Variants in PLAG1 observed in about 807,000 individuals in gnomAD.
PLAG1 encodes zinc finger protein PLAG1.
Under a neutral mutation model 35.5 loss-of-function variants are expected in PLAG1, and 7 were observed. That is an observed-to-expected ratio of 0.20 (90% confidence interval 0.11 to 0.37). The LOEUF is 0.37. PLAG1 is among the 10% of genes least tolerant of loss of function. The pLI, the probability that PLAG1 is intolerant of heterozygous loss-of-function variation, is 1.00. For synonymous variants in PLAG1, 229 were observed against 225.4 expected (o/e 1.02, Z -0.14); for missense variants, 454 against 602.8 (o/e 0.75, Z 2.58).
chr8:56,180,423 T>C (rs1351332623), intron 1 of PLAG1, among the ~76,000 whole-genome samples: 1 of 152,244 alleles, frequency 6.6e-6, no homozygotes, highest in African/African-American at 2.4e-5. Flanking sequence ...AGGTTAGTTG[T>C]GGCTGCAGAA....
At chr8:56,184,965 A>G (rs1359437007) in intron 1 of PLAG1, among the ~76,000 whole-genome samples, 1 of 151,938 alleles carries the variant, frequency 6.6e-6, no homozygotes, top group Non-Finnish European at 1.5e-5. Context: ...AAAAACAAAA[A>G]CCCCAAAACA....
intron 2 of PLAG1, among the ~76,000 whole-genome samples, chr8:56,172,975 T>C (rs147764138): frequency 6.6e-6 from 1 of 152,316 alleles, no homozygotes; most frequent in South Asian, 2.1e-4. Context: ...TCTGTCTGAG[T>C]GGAAAACGAT....
chr8:56,170,661 T>G (rs946472407), intron 3 of PLAG1, among the ~76,000 whole-genome samples: 1 of 152,206 alleles, frequency 6.6e-6, no homozygotes, highest in Admixed American at 6.5e-5. Flanking sequence ...CATTGTGTTA[T>G]AAAATCCAAC....
intron 1 of PLAG1, among the ~76,000 whole-genome samples, chr8:56,210,774 G>A (rs1812869212): frequency 6.6e-6 from 1 of 150,394 alleles, no homozygotes; most frequent in Admixed American, 6.6e-5. Flanking sequence ...CCAGAGAGGA[G>A]GAGGAGGAGG....
intron 1 of PLAG1, among the ~76,000 whole-genome samples, chr8:56,181,891 G>C (rs554812386): frequency 9.2e-5 from 14 of 152,326 alleles, no homozygotes; most frequent in Non-Finnish European, 2.1e-4. Flanking sequence ...GATATTTGGT[G>C]ATTTTTGCCT....
At chr8:56,169,386 T>TA (rs1270014453) in intron 3 of PLAG1, among the ~76,000 whole-genome samples, 1 of 152,132 alleles carries the variant, frequency 6.6e-6, no homozygotes. Context: ...CAGCAAGGAG[T>TA]ATATCTTTTT....
chr8:56,166,975 A>T lies in PLAG1; in HGVS notation c.771T>A (p.Asn257Lys). 2 of 1,614,152 alleles carry T rather than the reference A, an allele frequency of 1.2e-6. No individual in the cohort carries two copies. Among genetic ancestry groups the T allele is most frequent in the Non-Finnish European group, 1.7e-6 (2 of 1,180,008 alleles). Residue 257 changes from asparagine to lysine, a missense_variant, in exon 5 of 5, where the codon AAT becomes AAA. Physicochemically the swap from Asn to Lys is moderately conservative, Grantham distance 94. This residue lies in a region of PLAG1 where 271 missense variants were observed against 315.6 expected (regional missense o/e 0.86). Transcript: ENST00000316981. ...GCTCGTCTTTTATAGGCACAGACAC[A>T]TTGCAGGTAAATGGGTCAAGGAAAT... ...PVDFLDPFTC[N>K]VSVPIKDELL...
intron 1 of PLAG1, among the ~76,000 whole-genome samples, chr8:56,189,555 T>C (rs1812122889): frequency 6.6e-6 from 1 of 152,176 alleles, no homozygotes; most frequent in African/African-American, 2.4e-5. Flanking sequence ...AGTTCTACCA[T>C]CAAGGAGCTT....
chr8:56,171,980 C>A (rs1004664660), intron 2 of PLAG1, among the ~76,000 whole-genome samples: 1 of 152,006 alleles, frequency 6.6e-6, no homozygotes, highest in African/African-American at 2.4e-5. Flanking sequence ...AAAAGAATAA[C>A]GGTCAAAAGG....
In PLAG1 at chr8:56,167,715, A is replaced by C. The variant is rs1370029707; in HGVS notation, c.243-212T>G. ...GCCACTTTAGTTTTTGCTGGTTTCC[A>C]GCTATCATTACAAAAGCAAATGAGC... On this transcript the variant is annotated intron_variant, in intron 4 of 4. Coordinates refer to ENST00000316981, the MANE Select transcript of PLAG1 (RefSeq NM_002655.3). This position sits in a 1 kb window ranked among gnomAD's most constrained non-coding sequence, Gnocchi z 5.9. Among the ~76,000 whole-genome samples, 1 of 152,256 alleles carries C rather than the reference A, an allele frequency of 6.6e-6. No homozygotes were observed. The highest frequency in any genetic ancestry group is 2.4e-5 in the African/African-American group (1 of 41,468).
chr8:56,200,011 C>T (rs148505760), intron 1 of PLAG1, among the ~76,000 whole-genome samples: 165 of 152,262 alleles, frequency 1.1e-3, no homozygotes, highest in African/African-American at 3.5e-3. Context: ...GTGTGGCCTT[C>T]GGGACCTGAT....
Position 56,166,226 on chromosome 8 carries a change from A to C in PLAG1, c.*17T>G. ...AGCTACACATACATTTCTGTAATGA[A>C]TCCATGTCCCAGAATCCTACTGAAA... On this transcript the variant is annotated 3_prime_UTR_variant, in exon 5 of 5. Coordinates refer to ENST00000316981, the MANE Select transcript of PLAG1 (RefSeq NM_002655.3). 1 of 1,538,470 alleles carries C rather than the reference A, an allele frequency of 6.5e-7. No homozygotes were observed. The highest frequency in any genetic ancestry group is 8.8e-7 in the Non-Finnish European group (1 of 1,140,070).
At position 56,161,326 on chromosome 8, in the gene PLAG1, A is replaced by G. The variant is rs1811193340; in HGVS notation, c.*4917T>C. 4.7e-6 allele frequency: 1 copy of G among 210,974 alleles called. No individual in the cohort carries two copies. Among genetic ancestry groups the G allele is most frequent in the Non-Finnish European group, 9.6e-6 (1 of 103,698 alleles). The allele number at this position is 210,974 out of a possible 1,614,324, so 13.1% of individuals were successfully genotyped here. A position where few individuals can be genotyped will look rare whatever the true frequency, so the allele number is the denominator to read the frequency against. On this transcript the variant is annotated 3_prime_UTR_variant, in exon 5 of 5. Transcript: ENST00000316981. The stretch of plus-strand genomic sequence containing the variant: ...TGGAATGCAGATTTTTTTCTTTTCT[A>G]TTTTGACTCAAAACTTTATCATTAG...
At position 56,189,868 on chromosome 8, in the gene PLAG1, G is replaced by A. The variant is rs75132858; in HGVS notation, c.-321-10355C>T. Among the ~76,000 whole-genome samples the A allele has an allele frequency of 4.8e-3, 733 of 152,266 alleles. 9 individuals are homozygous for A. The highest frequency in any genetic ancestry group is 0.017 in the African/African-American group (699 of 41,574). On this transcript the variant is annotated intron_variant, in intron 1 of 4. Transcript: ENST00000316981. ...GGGTAGAAATGCTTATTCCTCCTGT[G>A]ACTGGAGCTGATGGTGTCTTAAGGA...
intron 1 of PLAG1, among the ~76,000 whole-genome samples, chr8:56,199,800 A>G (rs1001744945): frequency 6.6e-6 from 1 of 152,188 alleles, no homozygotes; most frequent in Admixed American, 6.5e-5. Context: ...GAGGGCACTG[A>G]CAGTCCCAGT....
At chr8:56,190,636 C>T (rs1428528571) in intron 1 of PLAG1, among the ~76,000 whole-genome samples, 1 of 152,002 alleles carries the variant, frequency 6.6e-6, no homozygotes, top group Admixed American at 6.6e-5. Context: ...GGACAGTGAG[C>T]TGTCACTGTT....
At chr8:56,179,227 C>A (rs570635521) in intron 2 of PLAG1, among the ~76,000 whole-genome samples, 182 bp downstream of exon 2, 1 of 152,112 alleles carries the variant, frequency 6.6e-6, no homozygotes, top group East Asian at 1.9e-4. Context: ...GCCTCCCATT[C>A]GACCATAATT....
intron 1 of PLAG1, among the ~76,000 whole-genome samples, chr8:56,192,643 C>T (rs1812220295): frequency 6.6e-6 from 1 of 152,158 alleles, no homozygotes; most frequent in African/African-American, 2.4e-5. Flanking sequence ...AATTCTACAC[C>T]ATAACACTAC....
chr8:56,184,458 T>C (rs34608229), intron 1 of PLAG1, among the ~76,000 whole-genome samples: 21,302 of 152,246 alleles, frequency 0.14, 1,757 homozygotes, highest in Middle Eastern at 0.2. Flanking sequence ...GTCTACCATA[T>C]GACACAGCAT....
Sources: allele counts gnomAD v4.1 joint callset (sites outside exome capture counted in the v4.1 genomes callset), GRCh38; gene constraint gnomAD v4.1.1; regional missense constraint gnomAD v4.1.1; non-coding constraint Gnocchi (gnomAD v3.1); transcripts MANE v1.5; gene names NCBI Gene and HGNC (gene_info 2026-07-23, HGNC 2026-07-21).